Variants in LAMA5 observed in about 807,000 individuals in gnomAD.
LAMA5 encodes the protein laminin subunit alpha 5, also known as laminin subunit alpha-5.
A neutral mutation model predicts 433.4 loss-of-function variants in LAMA5; 260 were observed. The ratio of observed to expected loss-of-function variants is 0.60; its 90% confidence interval spans 0.54 to 0.66. The LOEUF is 0.66. LAMA5 is among the 30% of genes least tolerant of loss of function. LAMA5 has a pLI of 0.00. For missense variants in LAMA5, 5,378 were observed against 5,258.5 expected, an observed-to-expected ratio of 1.02 and a Z score of -0.70; for synonymous variants, 2,620 against 2,226.6, an observed-to-expected ratio of 1.18 and a Z score of -4.97.
Position 62,322,749 on chromosome 20 carries a change from C to T in LAMA5, c.6074G>A (p.Cys2025Tyr). 1 of 1,503,842 alleles carries T rather than the reference C, an allele frequency of 6.6e-7. No individual in the cohort carries two copies. The highest frequency in any genetic ancestry group is 1.3e-5 in the South Asian group (1 of 76,540). The allele number at this position is 1,503,842 out of a possible 1,614,324, so 93.2% of individuals were successfully genotyped here. A position where few individuals can be genotyped will look rare whatever the true frequency, so the allele number is the denominator to read the frequency against. The change falls in exon 46 of 80, where the codon TGT (cysteine) becomes TAT (tyrosine). Residue 2025 changes from cysteine (C) to tyrosine (Y), a missense_variant. By Grantham distance (194) the Cys-to-Tyr change is radical (BLOSUM62 -2). Transcript: ENST00000252999. Reference protein sequence around the residue: ...LLPGNCTRCDCTPCGTEACDP... With the variant: ...LLPGNCTRCDYTPCGTEACDP... ...GCAGGCCTCTGTCCCACATGGGGTA[C>T]AGTCGCACCCTGCAGAAGGGGTCCG...
In LAMA5 at chr20:62,326,964, C is replaced by T. The variant is rs544452427; in HGVS notation, c.5115G>A (p.Val1705=). 33 of 1,599,966 alleles carry T rather than the reference C, an allele frequency of 2.1e-5. 1 individual carries two copies. The South Asian group carries it at 3.7e-4, about 18-fold the overall frequency. ...QAPPSYLGDR[V]SSYGGTLRYE... ...AACGGAGGGTCCCACCGTAGGATGA[C>T]ACCTGGAGGCAGGACAGACAGAGGT... is the stretch of plus-strand genomic sequence containing the variant. Residue 1705 remains valine (V), a splice_region_variant and synonymous_variant, in exon 39 of 80, where the codon GTG becomes GTA. Coordinates refer to ENST00000252999, the MANE Select transcript of LAMA5 (RefSeq NM_005560.6).
intron 59 of LAMA5, 26 bp downstream of exon 59, chr20:62,315,002 G>A (rs1240663819): frequency 2.5e-6 from 4 of 1,578,284 alleles, no homozygotes; most frequent in African/African-American, 1.3e-5. Context: ...CCTCCATCAG[G>A]GGCACCGCGA....
rs749100557 is a variant in LAMA5 at position 62,310,322 on chromosome 20, G to C, written c.10601-11C>G. ...TAGCTCCTGGGAGGTCTGCGGGGAG[G>C]GGTTGTGATGGAGAAGAAAGGGGGG... On this transcript the variant is annotated splice_polypyrimidine_tract_variant and intron_variant, in intron 76 of 79. Coordinates refer to ENST00000252999, the MANE Select transcript of LAMA5 (RefSeq NM_005560.6). 6.3e-7 allele frequency: 1 copy of C among 1,590,130 alleles called. No homozygotes were observed. The highest frequency in any genetic ancestry group is 8.6e-7 in the Non-Finnish European group (1 of 1,166,794).
intron 26 of LAMA5, among the ~76,000 whole-genome samples, 164 bp downstream of exon 26, chr20:62,332,926 T>TGCGGGAGGCAGGAGGCAGGAGGCAGGAG (rs1980755198): frequency 6.6e-6 from 1 of 150,748 alleles, no homozygotes; most frequent in Non-Finnish European, 1.5e-5. Context: ...AGGTCACACA[T>TGCGGGAGGCAGGAGGCAGGAGGCAGGAG]GCAGGAGGCA....
intron 60 of LAMA5, 36 bp from the exon 61 acceptor site, chr20:62,314,761 C>T: frequency 6.2e-7 from 1 of 1,612,720 alleles, no homozygotes; most frequent in Non-Finnish European, 8.5e-7. Context: ...CACCACCACC[C>T]TCCCTGATGT....
At chr20:62,322,579 C>T (rs1280243265) in intron 46 of LAMA5, 79 bp downstream of exon 46, 2 of 1,422,968 alleles carry the variant, frequency 1.4e-6, no homozygotes, top group Non-Finnish European at 1.9e-6. Flanking sequence ...CCCTCAGCCC[C>T]ACCTATCAGA....
chr20:62,315,277 TTC>T (rs1161323169), intron 58 of LAMA5, 70 bp from the exon 59 acceptor site: 1 of 1,372,330 alleles, frequency 7.3e-7, no homozygotes, highest in African/African-American at 1.4e-5. Context: ...CCCCAAGTCT[TTC>T]TGTTGGGCCA....
At position 62,326,567 on chromosome 20, in the gene LAMA5, G is replaced by A. The variant is rs1979325212; in HGVS notation, c.5298+110C>T. ...GCCCCCACCCCGCTTCTGCTCCTGG[G>A]CTGTTTTCCACCACGGAGAATGGGC... On this transcript the variant is annotated intron_variant, in intron 40 of 79. Transcript: ENST00000252999. 7 of 838,850 alleles carry A rather than the reference G, an allele frequency of 8.3e-6. No homozygotes were observed. In the South Asian group the frequency reaches 1.1e-4, roughly 14 times the overall value. The allele number at this position is 838,850 out of a possible 1,614,324, so 52.0% of individuals were successfully genotyped here.
At position 62,311,673 on chromosome 20, in the gene LAMA5, C is replaced by G. The variant is rs779896524; in HGVS notation, c.9747G>C (p.Leu3249=). 2 of 1,592,006 alleles carry G rather than the reference C, an allele frequency of 1.3e-6. No individual in the cohort carries two copies. Among genetic ancestry groups the G allele is most frequent in the Non-Finnish European group, 8.5e-7 (1 of 1,170,418 alleles). ...AGTTGTAAATGGTGCCAGACTCAGGCAGGCCTCCCAGGAGGAGCCTCGGGG... is the reference window on the plus strand; with the variant it reads ...AGTTGTAAATGGTGCCAGACTCAGGGAGGCCTCCCAGGAGGAGCCTCGGGG... ...EGPPRLLLGG[L]PESGTIYNFS... The change falls in exon 71 of 80, where the codon CTG becomes CTC. Residue 3249 remains leucine, a synonymous_variant. Transcript: ENST00000252999.
chr20:62,312,445 C>A lies in LAMA5; in HGVS notation c.9315G>T (p.Arg3105=), dbSNP rs755981207. Residue 3105 remains arginine, a synonymous_variant, in exon 68 of 80, where the codon CGG becomes CGT. Transcript: ENST00000252999. ...CGGCGCTCACGCCTGTCGTGTTCAG[C>A]CGCTTGAGGTCCACATACTTGCCCA... The part of the protein sequence containing the change: ...KALGKYVDLK[R]LNTTGVSAGC... 6.3e-6 allele frequency: 10 copies of A among 1,597,998 alleles called. No individual in the cohort carries two copies. Among genetic ancestry groups the A allele is most frequent in the African/African-American group, 2.7e-5 (2 of 75,030 alleles).
Position 62,311,108 on chromosome 20 carries a change from T to G in LAMA5, c.10089-14A>C. 6.4e-7 allele frequency: 1 copy of G among 1,567,632 alleles called. No homozygotes were observed. The highest frequency in any genetic ancestry group is 1.2e-5 in the South Asian group (1 of 85,130). The stretch of plus-strand genomic sequence containing the variant: ...GAGAGACTGGGCCTGGAAGCGGAGC[T>G]GGCGTCAGCCTGCGCGGCCCCTCTC... On this transcript the variant is annotated splice_polypyrimidine_tract_variant and intron_variant, in intron 73 of 79. Coordinates refer to ENST00000252999, the MANE Select transcript of LAMA5 (RefSeq NM_005560.6).
At position 62,331,306 on chromosome 20, in the gene LAMA5, C is replaced by T. The variant is rs1466493087; in HGVS notation, c.3553-177G>A. 2.2e-4 allele frequency among the ~76,000 whole-genome samples: 9 copies of T among 41,592 alleles called. 2 individuals carry two copies. Among genetic ancestry groups the T allele is most frequent in the Non-Finnish European group, 3.8e-4 (8 of 21,044 alleles). 27.3% of individuals were successfully genotyped at this position (41,592 alleles called of 152,430 possible). On this transcript the variant is annotated intron_variant, in intron 28 of 79. Coordinates refer to ENST00000252999, the MANE Select transcript of LAMA5 (RefSeq NM_005560.6). ...GTACGATGGGGGGGTGTAGGCGGTA[C>T]GATGGGGGGTGCAGGCGGTACGATG...
Position 62,333,684 on chromosome 20 carries a change from C to G in LAMA5, c.2901G>C (p.Val967=), listed in dbSNP as rs909532505. 2 of 1,594,602 alleles carry G rather than the reference C, an allele frequency of 1.3e-6. No individual in the cohort carries two copies. Among genetic ancestry groups the G allele is most frequent in the Non-Finnish European group, 8.5e-7 (1 of 1,172,448 alleles). Reference sequence around the variant, plus strand: ...CAGGCTCCGTGCTGGGTGGGAAGGCCACGGGCTGACTCTGTGCTGTGCCTG... The same window carrying G: ...CAGGCTCCGTGCTGGGTGGGAAGGCGACGGGCTGACTCTGTGCTGTGCCTG... The part of the protein sequence containing the change: ...CANCTAQSQP[V]AFPPSTEPAF... The change falls in exon 24 of 80, where the codon GTG becomes GTC. Residue 967 remains valine, a synonymous_variant. Coordinates refer to ENST00000252999, the MANE Select transcript of LAMA5 (RefSeq NM_005560.6).
rs754842439 is a variant in LAMA5 at position 62,320,778 on chromosome 20, G to C, written c.6609C>G (p.Ala2203=). Residue 2203 remains alanine (A), a synonymous_variant, in exon 49 of 80, where the codon GCC becomes GCG. Coordinates refer to ENST00000252999, the MANE Select transcript of LAMA5 (RefSeq NM_005560.6). ...RGINASSMAW[A]RLHRLNASIA... ...TGGAGGCGTTCAGCCTGTGCAGACG[G>C]GCCCAGGCCATGGAGCTGGCATTGA... 24 of 1,612,574 alleles carry C rather than the reference G, an allele frequency of 1.5e-5. 2 individuals carry two copies. The South Asian group carries it at 2.6e-4, about 18-fold the overall frequency.
rs538900430 is a variant in LAMA5 at position 62,349,921 on chromosome 20, T to C, written c.956+1783A>G. Reference sequence around the variant, plus strand: ...TGGAGGTAAAGAGGCAGAAAATTGCTGGCTGATGACATGGAGCCCCCTTCC... The same window carrying C: ...TGGAGGTAAAGAGGCAGAAAATTGCCGGCTGATGACATGGAGCCCCCTTCC... On this transcript the variant is annotated intron_variant, in intron 6 of 79. Transcript: ENST00000252999. 1.9e-3 allele frequency among the ~76,000 whole-genome samples: 286 copies of C among 148,750 alleles called. 1 individual carries two copies. Among genetic ancestry groups the C allele is most frequent in the Non-Finnish European group, 2.9e-3 (192 of 66,910 alleles).
rs747911232 is a variant in LAMA5 at position 62,310,259 on chromosome 20, G to T, written c.10653C>A (p.Pro3551=). Residue 3551 remains proline, a synonymous_variant, in exon 77 of 80, where the codon CCC becomes CCA. Coordinates refer to ENST00000252999, the MANE Select transcript of LAMA5 (RefSeq NM_005560.6). ...PDVGLELEVR[P]LAVTGLIFHL... is the part of the protein sequence containing the mutation. ...GGAAGATCAGTCCGGTGACTGCCAG[G>T]GGCCGCACCTCCAGTTCCAGGCCCA... is the stretch of plus-strand genomic sequence containing the variant. 2.5e-6 allele frequency: 4 copies of T among 1,612,134 alleles called. No homozygotes were observed. The South Asian group carries it at 4.4e-5, about 18-fold the overall frequency.
chr20:62,321,697 G>T (rs1393007955), intron 48 of LAMA5, among the ~76,000 whole-genome samples: 1 of 88,608 alleles, frequency 1.1e-5, no homozygotes, highest in Non-Finnish European at 2.5e-5. Flanking sequence ...GGGGTCAGTG[G>T]GGGAGGCAGG....
rs1013531789 is a variant in LAMA5 at position 62,326,485 on chromosome 20, A to T, written c.5298+192T>A. On this transcript the variant is annotated intron_variant, in intron 40 of 79. Coordinates refer to ENST00000252999, the MANE Select transcript of LAMA5 (RefSeq NM_005560.6). ...AAAGCAGGTGGGAAGACAGCATGAC[A>T]CCCCCCAGGGTGACCAGCACAGAAG... The T allele has an allele frequency of 1.6e-5, 9 of 559,262 alleles. No homozygotes were observed. The African/African-American group carries it at 1.7e-4, about 11-fold the overall frequency. The allele number at this position is 559,262 out of a possible 1,614,324, so 34.6% of individuals were successfully genotyped here.
In LAMA5 at chr20:62,311,026, C is replaced by T. The variant is rs1439824098; in HGVS notation, c.10157G>A (p.Arg3386Lys). 6 of 1,609,474 alleles carry T rather than the reference C, an allele frequency of 3.7e-6. No individual in the cohort carries two copies. The highest frequency in any genetic ancestry group is 3.4e-6 in the Non-Finnish European group (4 of 1,178,346). Residue 3386 changes from arginine to lysine, a missense_variant, in exon 74 of 80, where the codon AGG becomes AAG. Transcript: ENST00000252999. The part of the protein sequence containing the change: ...RGLLLFTARL[R>K]PGSPSLALFL... The stretch of plus-strand genomic sequence containing the variant: ...GAGCGCCAGGGAGGGGCTGCCGGGC[C>T]TCAGACGGGCAGTGAAGAGGAGGAG...
Sources: gnomAD v4.1 joint callset for allele counts (sites outside exome capture counted in the v4.1 genomes callset) on GRCh38, gnomAD v4.1.1 for gene constraint, MANE v1.5 for transcripts, NCBI Gene and HGNC (gene_info 2026-07-23, HGNC 2026-07-21) for gene names.